ROCK1: variants seen among roughly 807,000 people sequenced by gnomAD.
The protein encoded by ROCK1 is Rho associated coiled-coil containing protein kinase 1.
ROCK1 carries 36 observed loss-of-function variants against 196.8 expected under a neutral mutation model. That is an observed-to-expected ratio of 0.18 (90% CI 0.14 to 0.24). The LOEUF (loss-of-function observed/expected upper bound fraction) is 0.24, where lower values mean the gene tolerates loss of function less well. ROCK1 is among the 10% of genes least tolerant of loss of function. The probability of loss-of-function intolerance (pLI) is 1.00; values close to 1 mark genes in which losing one functional copy is unlikely to be tolerated. For synonymous variants in ROCK1, 443 were observed against 515.9 expected, an observed-to-expected ratio of 0.86 and a Z score of 1.91; for missense variants, 920 against 1,562.0, an observed-to-expected ratio of 0.59 and a Z score of 6.93.
intron 1 of ROCK1, among the ~76,000 whole-genome samples, chr18:21,103,660 G>T (rs1324939064): frequency 6.6e-6 from 1 of 151,894 alleles, no homozygotes; most frequent in African/African-American, 2.4e-5. Flanking sequence ...GCCCAGGCCG[G>T]TCTCAAACTC....
At chr18:21,082,452 A>G (rs1254421665) in intron 1 of ROCK1, among the ~76,000 whole-genome samples, 3 of 152,204 alleles carry the variant, frequency 2.0e-5, no homozygotes, top group Non-Finnish European at 2.9e-5. Context: ...CAGCAAGTAG[A>G]ATATAGCACA....
chr18:21,049,654 A>C, intron 3 of ROCK1, 126 bp downstream of exon 3: 1 of 647,296 alleles, frequency 1.5e-6, no homozygotes, highest in Non-Finnish European at 2.6e-6. Flanking sequence ...CTCAGGCAAC[A>C]ATGTCTAAAG....
chr18:21,007,350 T>C (rs540644690), intron 14 of ROCK1, among the ~76,000 whole-genome samples: 2 of 152,298 alleles, frequency 1.3e-5, no homozygotes, highest in East Asian at 3.9e-4. Context: ...TTTATAACCG[T>C]ATTTAAGGAG....
intron 13 of ROCK1, among the ~76,000 whole-genome samples, chr18:21,014,391 A>G (rs949874043): frequency 6.6e-6 from 1 of 152,066 alleles, no homozygotes; most frequent in Non-Finnish European, 1.5e-5. Flanking sequence ...TTTATGTTTA[A>G]TGTTTAGGGT....
At chr18:20,994,104 G>A (rs183389733) in intron 16 of ROCK1, among the ~76,000 whole-genome samples, 170 of 152,160 alleles carry the variant, frequency 1.1e-3, no homozygotes, top group Admixed American at 3.0e-3. Flanking sequence ...TGCTAGATTA[G>A]TTCTAGATCT....
intron 22 of ROCK1, among the ~76,000 whole-genome samples, chr18:20,976,618 C>T (rs2035483412): frequency 6.6e-6 from 1 of 152,290 alleles, no homozygotes; most frequent in Non-Finnish European, 1.5e-5. Flanking sequence ...ACACCTATGG[C>T]ATCATAGGCT....
chr18:21,091,419 A>G (rs2036569058), intron 1 of ROCK1, among the ~76,000 whole-genome samples: 1 of 152,036 alleles, frequency 6.6e-6, no homozygotes, highest in Non-Finnish European at 1.5e-5. Context: ...CCTGGCCAAC[A>G]TGGTGAAACC....
chr18:20,983,145 T>A (rs1598517136), intron 20 of ROCK1, among the ~76,000 whole-genome samples: 4 of 151,332 alleles, frequency 2.6e-5, no homozygotes, highest in East Asian at 3.9e-4. Flanking sequence ...TTTTGGTAAA[T>A]TTTTACAGAG....
intron 1 of ROCK1, among the ~76,000 whole-genome samples, chr18:21,071,906 G>C (rs2036389189): frequency 6.6e-6 from 1 of 152,158 alleles, no homozygotes; most frequent in South Asian, 2.1e-4. Context: ...ACAGATTTGT[G>C]AGAATTAAAT....
At chr18:20,989,938 C>T (rs1188685138) in intron 18 of ROCK1, among the ~76,000 whole-genome samples, 1 of 151,812 alleles carries the variant, frequency 6.6e-6, no homozygotes, top group Non-Finnish European at 1.5e-5. Flanking sequence ...AACTTATGAC[C>T]GATATGTTCA....
chr18:21,010,564 C>G, intron 13 of ROCK1, among the ~76,000 whole-genome samples: 1 of 152,146 alleles, frequency 6.6e-6, no homozygotes, highest in Non-Finnish European at 1.5e-5. Flanking sequence ...TTATTCTCAT[C>G]TGTACATTTT....
chr18:20,984,230 CT>C, intron 20 of ROCK1, 120 bp downstream of exon 20: 10 of 757,096 alleles, frequency 1.3e-5, no homozygotes, highest in Non-Finnish European at 1.8e-5. Context: ...CTTCTAAATA[CT>C]TTTTTTCTGT....
intron 1 of ROCK1, among the ~76,000 whole-genome samples, chr18:21,084,583 T>C (rs2036510797): frequency 6.6e-6 from 1 of 152,206 alleles, no homozygotes; most frequent in Non-Finnish European, 1.5e-5. Context: ...GGATAGTTAT[T>C]ATTTTAAAAA....
At chr18:21,006,286 A>G in intron 16 of ROCK1, 65 bp downstream of exon 16, 1 of 1,283,216 alleles carries the variant, frequency 7.8e-7, no homozygotes, top group Non-Finnish European at 1.1e-6. Flanking sequence ...ATATATAAAA[A>G]TGGTTAAAAT....
chr18:21,106,483 G>C (rs1387145636), intron 1 of ROCK1, among the ~76,000 whole-genome samples: 3 of 152,094 alleles, frequency 2.0e-5, no homozygotes, highest in African/African-American at 7.2e-5. Context: ...CAAATCATAA[G>C]CATTTTTTCC....
chr18:21,099,405 A>C lies in ROCK1; in HGVS notation c.93+11413T>G, dbSNP rs1568410091. ...GAACAGGGTAGAGAGACGTGGATCA[A>C]AGTAAGAATATTCTGAATATATCTG... On this transcript the variant is annotated intron_variant, in intron 1 of 32. Coordinates refer to ENST00000399799, the MANE Select transcript of ROCK1 (RefSeq NM_005406.3). 2.0e-5 allele frequency among the ~76,000 whole-genome samples: 3 copies of C among 152,344 alleles called. No individual in the cohort carries two copies. In the South Asian group the frequency reaches 6.2e-4, roughly 32 times the overall value.
At chr18:21,078,892 A>G (rs2036458812) in intron 1 of ROCK1, among the ~76,000 whole-genome samples, 1 of 152,102 alleles carries the variant, frequency 6.6e-6, no homozygotes, top group African/African-American at 2.4e-5. Flanking sequence ...CTAGGGTGCT[A>G]TCTGGTTCTA....
At chr18:20,971,665 AAAATAAATAAAT>A (rs56208525) in intron 22 of ROCK1, among the ~76,000 whole-genome samples, 8,605 of 137,682 alleles carry the variant, frequency 0.062, 454 homozygotes, top group African/African-American at 0.14. Context: ...CTCCGTCTCA[AAAATAAATAAAT>A]AAATAAATAA....
chr18:21,086,533 A>C (rs1382172029), intron 1 of ROCK1, among the ~76,000 whole-genome samples: 1 of 152,192 alleles, frequency 6.6e-6, no homozygotes, highest in Non-Finnish European at 1.5e-5. Flanking sequence ...TTTCCATGGA[A>C]CTATAACAAA....
Sources: gnomAD v4.1 joint callset for allele counts (sites outside exome capture counted in the v4.1 genomes callset) on GRCh38, gnomAD v4.1.1 for gene constraint, MANE v1.5 for transcripts, NCBI Gene and HGNC (gene_info 2026-07-23, HGNC 2026-07-21) for gene names.